The following ERBB4 variants were observed in gnomAD, a reference collection of about 807,000 sequenced individuals.
ERBB4 encodes erb-b2 receptor tyrosine kinase 4.
ERBB4 carries 42 observed loss-of-function variants against 158.0 expected under a neutral mutation model. That is an observed-to-expected ratio of 0.27 (90% CI 0.21 to 0.34). The LOEUF (loss-of-function observed/expected upper bound fraction) is 0.34. Ranked by LOEUF, ERBB4 falls within the 10% of genes least tolerant of loss-of-function variation. The pLI, the probability that ERBB4 is intolerant of heterozygous loss-of-function variation, is 1.00. For synonymous variants in ERBB4, 583 were observed against 558.7 expected (o/e 1.04, Z -0.61); for missense variants, 1,333 against 1,624.1 (o/e 0.82, Z 3.08).
chr2:212,064,027 G>A (rs999739611), intron 2 of ERBB4, among the ~76,000 whole-genome samples: 2 of 152,206 alleles, frequency 1.3e-5, no homozygotes, highest in South Asian at 4.1e-4. Flanking sequence ...ATATGTATAA[G>A]ACACAATAGG....
chr2:211,674,742 A>G (rs1343258252), intron 13 of ERBB4, among the ~76,000 whole-genome samples: 1 of 152,130 alleles, frequency 6.6e-6, no homozygotes, highest in Non-Finnish European at 1.5e-5. Flanking sequence ...AAATAATCAA[A>G]AGCATTGTTT....
chr2:211,799,505 T>A (rs2076453033), intron 3 of ERBB4, among the ~76,000 whole-genome samples: 1 of 152,174 alleles, frequency 6.6e-6, no homozygotes, highest in African/African-American at 2.4e-5. Flanking sequence ...GATGCCAACA[T>A]TCAAGAAGGG....
chr2:212,126,475 A>G (rs2079932823), intron 1 of ERBB4, among the ~76,000 whole-genome samples: 1 of 151,760 alleles, frequency 6.6e-6, no homozygotes, highest in Non-Finnish European at 1.5e-5. Flanking sequence ...AAAAAAAAAA[A>G]AAAAAAAAAA....
intron 20 of ERBB4, among the ~76,000 whole-genome samples, chr2:211,483,022 T>A (rs1431942098): frequency 6.6e-6 from 1 of 152,022 alleles, no homozygotes; most frequent in African/African-American, 2.4e-5. Flanking sequence ...TTTCATATGT[T>A]TAAGAAGCAA....
chr2:212,143,887 C>T (rs1021727792), intron 1 of ERBB4, among the ~76,000 whole-genome samples: 8 of 151,964 alleles, frequency 5.3e-5, no homozygotes, highest in East Asian at 1.9e-4. Context: ...TGTGTGGTGA[C>T]GCATGCCTGT....
chr2:211,456,933 G>T (rs2064397720), intron 20 of ERBB4, among the ~76,000 whole-genome samples: 1 of 152,134 alleles, frequency 6.6e-6, no homozygotes, highest in East Asian at 1.9e-4. Flanking sequence ...CTGGGGTTGG[G>T]GACCCCTGCT....
chr2:212,370,006 A>G (rs1056197167), intron 1 of ERBB4, among the ~76,000 whole-genome samples: 4 of 152,188 alleles, frequency 2.6e-5, no homozygotes, highest in African/African-American at 9.6e-5. Context: ...ATATAGAGAG[A>G]AATAGTAAAT....
intron 20 of ERBB4, among the ~76,000 whole-genome samples, chr2:211,508,388 C>T (rs1427861723): frequency 1.3e-5 from 2 of 152,158 alleles, no homozygotes; most frequent in Admixed American, 6.5e-5. Flanking sequence ...ATCATCATCA[C>T]TGGTCATTAG....
intron 1 of ERBB4, among the ~76,000 whole-genome samples, chr2:212,181,024 A>G (rs896043648): frequency 6.6e-6 from 1 of 151,624 alleles, no homozygotes; most frequent in African/African-American, 2.4e-5. Flanking sequence ...ACAACTGTTG[A>G]TGATATCAGA....
At chr2:212,086,625 G>A (rs1421210414) in intron 2 of ERBB4, among the ~76,000 whole-genome samples, 1 of 151,822 alleles carries the variant, frequency 6.6e-6, no homozygotes, top group Non-Finnish European at 1.5e-5. Context: ...TGGCTGATAT[G>A]GAACCAAAAA....
chr2:212,240,663 A>AAAAAAAAAAAAAAAAAAAAAAAG (rs2084063121), intron 1 of ERBB4, among the ~76,000 whole-genome samples: 1 of 148,698 alleles, frequency 6.7e-6, no homozygotes, highest in Non-Finnish European at 1.5e-5. Context: ...AAAAAAAAAA[A>AAAAAAAAAAAAAAAAAAAAAAAG]AAAACAGAAA....
chr2:212,292,426 C>T (rs1286613667), intron 1 of ERBB4, among the ~76,000 whole-genome samples: 3 of 151,946 alleles, frequency 2.0e-5, no homozygotes, highest in Non-Finnish European at 2.9e-5. Context: ...CTGAATGCTC[C>T]ACTTCTACCA....
At chr2:212,180,088 T>C (rs1358908039) in intron 1 of ERBB4, among the ~76,000 whole-genome samples, 3 of 151,730 alleles carry the variant, frequency 2.0e-5, no homozygotes, top group East Asian at 1.9e-4. Context: ...ATTGTGATAA[T>C]TGCCGTTGCA....
At chr2:211,794,163 C>T (rs1261530705) in intron 3 of ERBB4, among the ~76,000 whole-genome samples, 1 of 151,848 alleles carries the variant, frequency 6.6e-6, no homozygotes. Context: ...CTCAGTAATG[C>T]TTGTTGCAAT....
chr2:212,368,176 C>A (rs2089959495), intron 1 of ERBB4, among the ~76,000 whole-genome samples: 1 of 152,088 alleles, frequency 6.6e-6, no homozygotes. Context: ...GGAAGCAACC[C>A]AAATGCCCAT....
chr2:212,104,587 G>A (rs769566476), intron 2 of ERBB4, among the ~76,000 whole-genome samples: 1 of 151,986 alleles, frequency 6.6e-6, no homozygotes, highest in Non-Finnish European at 1.5e-5. Context: ...TCATTTTACA[G>A]TAAAGAAACT....
chr2:212,130,048 A>T (rs961794754), intron 1 of ERBB4, among the ~76,000 whole-genome samples: 1 of 152,118 alleles, frequency 6.6e-6, no homozygotes, highest in Non-Finnish European at 1.5e-5. Flanking sequence ...TTTTACAATC[A>T]AGCAATGTAT....
intron 3 of ERBB4, among the ~76,000 whole-genome samples, chr2:211,888,339 T>TC (rs143058109): frequency 0.14 from 21,977 of 152,246 alleles, 1,996 homozygotes; most frequent in African/African-American, 0.25. Context: ...GCAATGACTT[T>TC]AAACATTATA....
At chr2:212,432,116 T>C (rs77548608) in intron 1 of ERBB4, among the ~76,000 whole-genome samples, 93 of 152,272 alleles carry the variant, frequency 6.1e-4, no homozygotes, top group African/African-American at 2.2e-3. Context: ...GTAACCCAGG[T>C]TGTCTGTTCT....
Sources: gnomAD v4.1 joint callset for allele counts (sites outside exome capture counted in the v4.1 genomes callset) on GRCh38, gnomAD v4.1.1 for gene constraint, MANE v1.5 for transcripts, NCBI Gene and HGNC (gene_info 2026-07-23, HGNC 2026-07-21) for gene names.